The following RBFOX1 variants were observed in gnomAD, a reference collection of about 807,000 sequenced individuals.
The protein encoded by RBFOX1 is RNA binding protein fox-1 homolog 1.
RBFOX1 carries 8 observed loss-of-function variants against 57.7 expected under a neutral mutation model. The ratio of observed to expected loss-of-function variants is 0.14; its 90% CI spans 0.08 to 0.25. The LOEUF (loss-of-function observed/expected upper bound fraction) is 0.25, where lower values mean the gene tolerates loss of function less well. RBFOX1 is among the 10% of genes least tolerant of loss of function. RBFOX1 has a pLI of 1.00. For synonymous variants in RBFOX1, 326 were observed against 222.4 expected (o/e 1.47, Z -4.15); for missense variants, 611 against 548.5 (o/e 1.11, Z -1.14).
At chr16:5,259,048 C>A (rs578212931) in intron 1 of RBFOX1, among the ~76,000 whole-genome samples, 1 of 152,140 alleles carries the variant, frequency 6.6e-6, no homozygotes, top group East Asian at 1.9e-4. Context: ...TCAAGCATTC[C>A]CAGGGCTGGC....
chr16:5,694,039 G>A (rs2151466672), intron 3 of RBFOX1, among the ~76,000 whole-genome samples: 1 of 152,322 alleles, frequency 6.6e-6, no homozygotes, highest in South Asian at 2.1e-4. Context: ...TACAGAGTAA[G>A]TGAGATAAAT....
chr16:6,875,295 T>C (rs1355351197), intron 3 of RBFOX1, among the ~76,000 whole-genome samples: 2 of 152,212 alleles, frequency 1.3e-5, no homozygotes, highest in African/African-American at 2.4e-5. Flanking sequence ...CAACTCGTTA[T>C]GGTGGGGGTG....
chr16:5,553,318 A>T (rs79416412), intron 2 of RBFOX1, among the ~76,000 whole-genome samples: 2 of 145,000 alleles, frequency 1.4e-5, no homozygotes, highest in Middle Eastern at 7.1e-3. Context: ...ATGTCTGAAT[A>T]TTTTTTTTTT....
At chr16:6,922,058 T>C (rs1037555738) in intron 3 of RBFOX1, among the ~76,000 whole-genome samples, 1 of 152,172 alleles carries the variant, frequency 6.6e-6, no homozygotes, top group African/African-American at 2.4e-5. Flanking sequence ...GCAGCTGGTA[T>C]TACTATTCAG....
At chr16:5,764,386 C>G (rs1597153699) in intron 3 of RBFOX1, among the ~76,000 whole-genome samples, 1 of 152,210 alleles carries the variant, frequency 6.6e-6, no homozygotes, top group East Asian at 1.9e-4. Flanking sequence ...GATGCCAGCA[C>G]CCAGCCTCTT....
At chr16:6,648,319 C>T (rs1291370842) in intron 2 of RBFOX1, among the ~76,000 whole-genome samples, 1 of 152,098 alleles carries the variant, frequency 6.6e-6, no homozygotes, top group Admixed American at 6.6e-5. Context: ...ACTCGGCCTC[C>T]CAAAGTGCTG....
intron 3 of RBFOX1, among the ~76,000 whole-genome samples, chr16:6,715,054 T>G (rs967729250): frequency 1.3e-5 from 2 of 152,072 alleles, no homozygotes; most frequent in African/African-American, 4.8e-5. Flanking sequence ...ATATTTGGGA[T>G]TAGTTTTGTT....
At chr16:5,400,694 G>C (rs1297324038) in intron 1 of RBFOX1, among the ~76,000 whole-genome samples, 2 of 151,632 alleles carry the variant, frequency 1.3e-5, no homozygotes, top group Middle Eastern at 3.4e-3. Flanking sequence ...AAATAATGCT[G>C]TGTAAACTTT....
intron 1 of RBFOX1, among the ~76,000 whole-genome samples, chr16:6,151,732 A>G (rs2096799165): frequency 6.6e-6 from 1 of 152,238 alleles, no homozygotes; most frequent in Non-Finnish European, 1.5e-5. Context: ...GAACCAGGAA[A>G]ACTACACAGT....
At chr16:7,048,904 G>T (rs1238543706) in intron 3 of RBFOX1, among the ~76,000 whole-genome samples, 1 of 152,136 alleles carries the variant, frequency 6.6e-6, no homozygotes, top group Non-Finnish European at 1.5e-5. Context: ...CATTCAGGCT[G>T]AAAGCTCTTG....
At chr16:6,857,338 A>T (rs1009311542) in intron 3 of RBFOX1, among the ~76,000 whole-genome samples, 1 of 152,202 alleles carries the variant, frequency 6.6e-6, no homozygotes, top group African/African-American at 2.4e-5. Context: ...AAAAAGATGT[A>T]TGGGTAGCAT....
chr16:6,793,566 G>T (rs1264785703), intron 3 of RBFOX1, among the ~76,000 whole-genome samples: 3 of 151,976 alleles, frequency 2.0e-5, no homozygotes, highest in African/African-American at 7.3e-5. Flanking sequence ...TCAATTCTTG[G>T]CCCTTCCCTC....
chr16:6,868,549 G>A (rs932101876), intron 3 of RBFOX1, among the ~76,000 whole-genome samples: 1 of 152,048 alleles, frequency 6.6e-6, no homozygotes, highest in East Asian at 1.9e-4. Flanking sequence ...ACGGCTCACT[G>A]CAACCTCTGC....
chr16:5,939,803 A>G (rs935149786), intron 4 of RBFOX1, among the ~76,000 whole-genome samples: 1 of 152,182 alleles, frequency 6.6e-6, no homozygotes, highest in Non-Finnish European at 1.5e-5. Context: ...AGATTTTTTC[A>G]TAAAGCCACA....
chr16:6,757,338 T>C (rs1230879332), intron 3 of RBFOX1, among the ~76,000 whole-genome samples: 1 of 152,166 alleles, frequency 6.6e-6, no homozygotes, highest in Non-Finnish European at 1.5e-5. Context: ...TGAAAGGACC[T>C]GCACACCCGT....
intron 2 of RBFOX1, among the ~76,000 whole-genome samples, chr16:6,558,004 G>A (rs953766908): frequency 6.6e-6 from 1 of 152,126 alleles, no homozygotes; most frequent in Non-Finnish European, 1.5e-5. Flanking sequence ...TGCTGTCACT[G>A]TGAAACATTT....
chr16:6,333,471 T>C (rs1369266146), intron 2 of RBFOX1, among the ~76,000 whole-genome samples: 7 of 152,252 alleles, frequency 4.6e-5, no homozygotes, highest in Non-Finnish European at 1.0e-4. Flanking sequence ...TCAGTGTTTT[T>C]TCAAATCTCC....
chr16:5,508,494 A>G (rs1184977314), intron 2 of RBFOX1, among the ~76,000 whole-genome samples: 1 of 152,216 alleles, frequency 6.6e-6, no homozygotes, highest in Non-Finnish European at 1.5e-5. Flanking sequence ...AAAACAAAGT[A>G]CAGGTCCTGC....
intron 3 of RBFOX1, among the ~76,000 whole-genome samples, chr16:6,859,013 T>C (rs1790077659): frequency 6.6e-6 from 1 of 150,748 alleles, no homozygotes; most frequent in South Asian, 2.1e-4. Context: ...CACAGGGATG[T>C]GTACCTGTTT....
Sources: allele counts gnomAD v4.1 joint callset (sites outside exome capture counted in the v4.1 genomes callset), GRCh38; gene constraint gnomAD v4.1.1; transcripts MANE v1.5; gene names NCBI Gene and HGNC (gene_info 2026-07-23, HGNC 2026-07-21).